The following PDE4B variants were observed in gnomAD, a reference collection of about 807,000 sequenced individuals.
The protein encoded by PDE4B is phosphodiesterase 4B.
PDE4B carries 20 observed loss-of-function variants against 82.2 expected under a neutral mutation model. That is an observed-to-expected ratio of 0.24 (90% confidence interval 0.17 to 0.35). PDE4B has a LOEUF of 0.35. Among genes scored for constraint, PDE4B ranks in the 10% least tolerant of loss-of-function variants. PDE4B has a pLI of 1.00. For synonymous variants in PDE4B, 320 were observed against 318.9 expected (o/e 1.00, Z -0.04); for missense variants, 655 against 907.2 (o/e 0.72, Z 3.57).
intron 1 of PDE4B, among the ~76,000 whole-genome samples, chr1:65,842,583 T>C (rs558502919): frequency 1.3e-5 from 2 of 152,250 alleles, no homozygotes; most frequent in Non-Finnish European, 2.9e-5. Flanking sequence ...TGGATTTAAG[T>C]CCTATAATGT....
chr1:66,140,562 T>C (rs1646152228), intron 3 of PDE4B, among the ~76,000 whole-genome samples: 1 of 152,208 alleles, frequency 6.6e-6, no homozygotes, highest in Non-Finnish European at 1.5e-5. Context: ...TGTTTTATAA[T>C]GCAAAAATAC....
At position 66,235,242 on chromosome 1, in the gene PDE4B, T is replaced by C. The variant is rs930028057; in HGVS notation, c.282-12218T>C. Among the ~76,000 whole-genome samples the C allele has an allele frequency of 9.8e-5, 15 of 152,346 alleles. No homozygotes were observed. The East Asian group carries it at 2.7e-3, about 27-fold the overall frequency. On this transcript the variant is annotated intron_variant, in intron 3 of 16. Transcript: ENST00000341517. Reference sequence around the variant, plus strand: ...TATCTTTGTCAATTAGTTAAATTGATGATGTTGTTCAAGTCTTCTATATCC... The same window carrying C: ...TATCTTTGTCAATTAGTTAAATTGACGATGTTGTTCAAGTCTTCTATATCC...
intron 3 of PDE4B, among the ~76,000 whole-genome samples, chr1:66,209,208 G>A (rs1282473281): frequency 6.6e-6 from 1 of 152,180 alleles, no homozygotes; most frequent in Non-Finnish European, 1.5e-5. Flanking sequence ...TGCTCAGAAG[G>A]AAGCTTGTAT....
chr1:66,144,539 G>A (rs971031169), intron 3 of PDE4B, among the ~76,000 whole-genome samples: 7 of 152,124 alleles, frequency 4.6e-5, no homozygotes, highest in African/African-American at 9.7e-5. Context: ...GTGAATATCC[G>A]AAATGATCCA....
intron 1 of PDE4B, among the ~76,000 whole-genome samples, chr1:65,907,472 A>G (rs1647039919): frequency 6.6e-6 from 1 of 152,094 alleles, no homozygotes; most frequent in Non-Finnish European, 1.5e-5. Context: ...TAAGTGGATA[A>G]CTAGAGCTAG....
chr1:65,958,455 A>G (rs1649368141), intron 3 of PDE4B, among the ~76,000 whole-genome samples: 2 of 152,074 alleles, frequency 1.3e-5, no homozygotes, highest in Non-Finnish European at 2.9e-5. Flanking sequence ...GGTATTTTAA[A>G]AAGTATCAAT....
intron 3 of PDE4B, among the ~76,000 whole-genome samples, chr1:66,192,747 C>T (rs984578518): frequency 1.1e-4 from 16 of 152,078 alleles, no homozygotes; most frequent in African/African-American, 3.4e-4. Context: ...CTGTATCTCT[C>T]ATCAAGTCTT....
At position 66,200,627 on chromosome 1, in the gene PDE4B, T is replaced by A. The variant is rs1450931364; in HGVS notation, c.282-46833T>A. Among the ~76,000 whole-genome samples, 7 of 152,292 alleles carry A rather than the reference T, an allele frequency of 4.6e-5. No individual in the cohort carries two copies. The East Asian group carries it at 1.3e-3, about 29-fold the overall frequency. ...GAAGCAATTGTGAATGGGAGTTCAC[T>A]CATGATTTGGCTCTCTGTTTGTCTG... On this transcript the variant is annotated intron_variant, in intron 3 of 16. Transcript: ENST00000341517.
intron 15 of PDE4B, 96 bp downstream of exon 15, chr1:66,368,161 T>G: frequency 3.0e-6 from 4 of 1,335,768 alleles, no homozygotes; most frequent in Non-Finnish European, 4.2e-6. Flanking sequence ...CAGTTATTGG[T>G]ATATCCTAGG....
rs552737899 is a variant in PDE4B at position 65,908,268 on chromosome 1, G to C, written c.-70-4977G>C. On this transcript the variant is annotated intron_variant, in intron 1 of 16. Coordinates refer to ENST00000341517, the MANE Select transcript of PDE4B (RefSeq NM_002600.4). ...TAGTCTCCTACCAGTGATTTCCATT[G>C]TCAGCACCTAAAGGAAGCCACCTAG... Among the ~76,000 whole-genome samples the C allele has an allele frequency of 2.6e-5, 4 of 152,182 alleles. No homozygotes were observed. In the South Asian group the frequency reaches 8.3e-4, roughly 32 times the overall value.
chr1:66,199,314 G>A (rs1042790717), intron 3 of PDE4B, among the ~76,000 whole-genome samples: 7 of 152,006 alleles, frequency 4.6e-5, no homozygotes, highest in African/African-American at 1.7e-4. Flanking sequence ...TAACTGGTGT[G>A]AGATGGTATC....
chr1:65,872,845 C>T lies in PDE4B; in HGVS notation c.-70-40400C>T, dbSNP rs74459054. 1.6e-4 allele frequency among the ~76,000 whole-genome samples: 24 copies of T among 152,218 alleles called. No individual in the cohort carries two copies. The East Asian group carries it at 4.6e-3, about 29-fold the overall frequency. Reference sequence around the variant, plus strand: ...TCATCTCATGTGATATTCACAACTTCCATGTGAGGAAAGAATATAGAGGTT... The same window carrying T: ...TCATCTCATGTGATATTCACAACTTTCATGTGAGGAAAGAATATAGAGGTT... On this transcript the variant is annotated intron_variant, in intron 1 of 16. Coordinates refer to ENST00000341517, the MANE Select transcript of PDE4B (RefSeq NM_002600.4).
chr1:65,831,776 G>A (rs1010329999), intron 1 of PDE4B, among the ~76,000 whole-genome samples: 5 of 152,080 alleles, frequency 3.3e-5, no homozygotes, highest in African/African-American at 9.7e-5. Flanking sequence ...TAAAATATTA[G>A]CAAATCAAAT....
intron 3 of PDE4B, among the ~76,000 whole-genome samples, chr1:65,940,297 G>C (rs1648373425): frequency 6.6e-6 from 1 of 152,046 alleles, no homozygotes; most frequent in Admixed American, 6.6e-5. Flanking sequence ...GGTGAATGGA[G>C]AATGGAAAGC....
chr1:66,276,160 G>T (rs1295520541), intron 7 of PDE4B, among the ~76,000 whole-genome samples: 1 of 152,162 alleles, frequency 6.6e-6, no homozygotes, highest in Non-Finnish European at 1.5e-5. Flanking sequence ...AAGGTAAGGG[G>T]CTAGTGCTTA....
At chr1:66,126,207 G>A (rs1239659159) in intron 3 of PDE4B, among the ~76,000 whole-genome samples, 1 of 152,190 alleles carries the variant, frequency 6.6e-6, no homozygotes, top group Non-Finnish European at 1.5e-5. Flanking sequence ...ATAAAAAGGA[G>A]TGAATTAATT....
chr1:66,023,725 CA>C (rs1653275481), intron 3 of PDE4B, among the ~76,000 whole-genome samples: 1 of 151,890 alleles, frequency 6.6e-6, no homozygotes, highest in South Asian at 2.1e-4. Context: ...AAGCAGAAAC[CA>C]ACATTAGATC....
Position 65,902,910 on chromosome 1 carries a change from G to A in PDE4B, c.-70-10335G>A, listed in dbSNP as rs147528004. Among the ~76,000 whole-genome samples, 373 of 152,236 alleles carry A rather than the reference G, an allele frequency of 2.5e-3. 2 individuals are homozygous for A. The highest frequency in any genetic ancestry group is 8.0e-3 in the African/African-American group (334 of 41,548). ...CTTTAATTTAGAGTCTGCAGATATA[G>A]GCACTGTAGTGGAACAAACTGTGGA... On this transcript the variant is annotated intron_variant, in intron 1 of 16. Transcript: ENST00000341517.
chr1:65,818,685 C>CACATATATATATATATAT (rs141035147), intron 1 of PDE4B, among the ~76,000 whole-genome samples: 12 of 143,764 alleles, frequency 8.3e-5, no homozygotes, highest in East Asian at 4.1e-4. Context: ...CACACACACA[C>CACATATATATATATATAT]ATATATATAT....
Sources: gnomAD v4.1 joint callset for allele counts (sites outside exome capture counted in the v4.1 genomes callset) on GRCh38, gnomAD v4.1.1 for gene constraint, MANE v1.5 for transcripts, NCBI Gene and HGNC (gene_info 2026-07-23, HGNC 2026-07-21) for gene names.